The following CHMP4C variants were observed in gnomAD, a reference collection of about 807,000 sequenced individuals.
CHMP4C encodes charged multivesicular body protein 4C, also known as SNF7 homolog associated with Alix 3.
A neutral mutation model predicts 29.0 loss-of-function variants in CHMP4C; 28 were observed. The observed-to-expected ratio is 0.97, with a 90% confidence interval of 0.72 to 1.32. CHMP4C has a LOEUF of 1.32. CHMP4C is among the 40% of genes most tolerant of loss of function. The probability of loss-of-function intolerance (pLI) is 0.00; values close to 1 mark genes in which losing one functional copy is unlikely to be tolerated. For missense variants in CHMP4C, 291 were observed against 281.0 expected (o/e 1.04, Z -0.25); for synonymous variants, 106 against 102.4 (o/e 1.04, Z -0.21).
chr8:81,747,107 A>G (rs1019957057), intron 1 of CHMP4C, among the ~76,000 whole-genome samples: 4 of 152,152 alleles, frequency 2.6e-5, no homozygotes, highest in Admixed American at 6.5e-5. Context: ...TCTTCTAGGT[A>G]CTGTTGTTCT....
rs148643295 is a variant in CHMP4C, at chr8:81,749,406, T to C, written c.191-3658T>C. The stretch of plus-strand genomic sequence containing the variant: ...GCTCCATAAATGTTAGTTTTTGTTA[T>C]GTATTTTGTTGGCCAGGTGCCAGGA... On this transcript the variant is annotated intron_variant, in intron 1 of 4. Transcript: ENST00000297265. Among the ~76,000 whole-genome samples the C allele has an allele frequency of 5.2e-3, 789 of 152,356 alleles. 6 individuals are homozygous for C. Among genetic ancestry groups the C allele is most frequent in the Non-Finnish European group, 7.5e-3 (511 of 68,036 alleles).
intron 1 of CHMP4C, among the ~76,000 whole-genome samples, chr8:81,738,484 T>C (rs1808721245): frequency 6.6e-6 from 1 of 152,216 alleles, no homozygotes. Flanking sequence ...TGATCTTCTT[T>C]GGAGAGAAGG....
In CHMP4C at chr8:81,753,244, G is replaced by T; in HGVS notation, c.368+3G>T. 1 of 1,397,812 alleles carries T rather than the reference G, an allele frequency of 7.2e-7. No homozygotes were observed. The highest frequency in any genetic ancestry group is 1.3e-5 in the South Asian group (1 of 75,146). The allele number at this position is 1,397,812 out of a possible 1,614,324, so 86.6% of individuals were successfully genotyped here. On this transcript the variant is annotated splice_donor_region_variant and intron_variant, in intron 2 of 4. Coordinates refer to ENST00000297265, the MANE Select transcript of CHMP4C (RefSeq NM_152284.4). ...ATGAAATCTGTTCATGAAAACATGT[G>T]AGTGACTCTGGTCTCCCTCTGAATC...
intron 1 of CHMP4C, among the ~76,000 whole-genome samples, chr8:81,749,233 C>T (rs931712786): frequency 9.2e-5 from 14 of 152,116 alleles, no homozygotes; most frequent in Admixed American, 8.5e-4. Context: ...GTTCTATGTG[C>T]AAAATTATCA....
At chr8:81,748,028 G>T (rs565802534) in intron 1 of CHMP4C, among the ~76,000 whole-genome samples, 1 of 146,072 alleles carries the variant, frequency 6.8e-6, no homozygotes, top group East Asian at 2.1e-4. Flanking sequence ...AGACAGGTAC[G>T]CCCCGGGGCG....
chr8:81,752,686 C>T (rs1808917987), intron 1 of CHMP4C, among the ~76,000 whole-genome samples: 1 of 152,060 alleles, frequency 6.6e-6, no homozygotes, highest in South Asian at 2.1e-4. Flanking sequence ...GAATCAAAGG[C>T]CATTAAGGTC....
Position 81,758,464 on chromosome 8 carries a change from CTATTT to C in CHMP4C, c.638-12_638-8del. 1.2e-6 allele frequency: 2 copies of C among 1,602,580 alleles called. No homozygotes were observed. The highest frequency in any genetic ancestry group is 1.1e-5 in the South Asian group (1 of 90,252). ...AATGTCACCAATTACTAATTTTTAT[CTATTT>C]TATGTTCCAGCATCTTCCCAGAGGG... On this transcript the variant is annotated splice_polypyrimidine_tract_variant and intron_variant, in intron 4 of 4. Transcript: ENST00000297265.
intron 1 of CHMP4C, among the ~76,000 whole-genome samples, chr8:81,740,376 CA>C (rs1808748431): frequency 1.3e-5 from 2 of 152,230 alleles, no homozygotes; most frequent in Admixed American, 6.5e-5. Context: ...TAGATCCTCG[CA>C]TGCTCAGTTC....
chr8:81,741,392 G>T (rs182571359), intron 1 of CHMP4C, among the ~76,000 whole-genome samples: 1 of 152,114 alleles, frequency 6.6e-6, no homozygotes, highest in Non-Finnish European at 1.5e-5. Flanking sequence ...CAAAGTCATA[G>T]GATTTACACA....
At chr8:81,748,174 T>C (rs9643445) in intron 1 of CHMP4C, among the ~76,000 whole-genome samples, 152,115 of 152,334 alleles carry the variant, frequency 1, 75,948 homozygotes, top group East Asian at 1. Context: ...CCCGGCTCAC[T>C]GGCAGTCAGA....
chr8:81,743,796 TC>T (rs1808791942), intron 1 of CHMP4C, among the ~76,000 whole-genome samples: 2 of 152,138 alleles, frequency 1.3e-5, no homozygotes, highest in African/African-American at 4.8e-5. Flanking sequence ...AACCTCAAGC[TC>T]TTTAGAATAA....
intron 1 of CHMP4C, among the ~76,000 whole-genome samples, chr8:81,740,765 C>T (rs1029812210): frequency 2.6e-5 from 4 of 152,164 alleles, no homozygotes; most frequent in African/African-American, 7.2e-5. Context: ...GAACTGATAG[C>T]GTGTTACCTT....
At chr8:81,751,799 A>T (rs371780152) in intron 1 of CHMP4C, among the ~76,000 whole-genome samples, 3 of 152,176 alleles carry the variant, frequency 2.0e-5, no homozygotes, top group African/African-American at 7.2e-5. Flanking sequence ...GTCAAAAACA[A>T]TCATAAAAAC....
In CHMP4C at chr8:81,755,488, C is replaced by A; in HGVS notation, c.483+4C>A. ...CTTTGGTGATGACTTTGATGAGGTA[C>A]GTAACCCAATATGAAGAATGCAGGA... is the stretch of plus-strand genomic sequence containing the variant. On this transcript the variant is annotated splice_donor_region_variant and intron_variant, in intron 3 of 4. Coordinates refer to ENST00000297265, the MANE Select transcript of CHMP4C (RefSeq NM_152284.4). The A allele has an allele frequency of 6.4e-7, 1 of 1,563,156 alleles. No homozygotes were observed. The highest frequency in any genetic ancestry group is 8.8e-7 in the Non-Finnish European group (1 of 1,134,648).
chr8:81,753,347 C>T, intron 2 of CHMP4C, 106 bp downstream of exon 2: 2 of 695,066 alleles, frequency 2.9e-6, no homozygotes, highest in Non-Finnish European at 4.3e-6. Flanking sequence ...TCATTTGAGG[C>T]TCTTTGACAT....
At chr8:81,756,157 T>A (rs1808969508) in intron 3 of CHMP4C, among the ~76,000 whole-genome samples, 1 of 152,200 alleles carries the variant, frequency 6.6e-6, no homozygotes, top group South Asian at 2.1e-4. Flanking sequence ...AAGACCTGGT[T>A]CCATGGAATC....
chr8:81,738,573 T>G (rs1165663010), intron 1 of CHMP4C, among the ~76,000 whole-genome samples: 1 of 152,202 alleles, frequency 6.6e-6, no homozygotes, highest in African/African-American at 2.4e-5. Context: ...ATAGTTGTCA[T>G]AGAGCTCAAT....
chr8:81,742,802 A>G (rs1808778351), intron 1 of CHMP4C, among the ~76,000 whole-genome samples: 2 of 152,206 alleles, frequency 1.3e-5, no homozygotes, highest in Non-Finnish European at 2.9e-5. Context: ...AAAAAAAATT[A>G]TGATTATGGT....
Position 81,758,543 on chromosome 8 carries a change from A to G in CHMP4C, c.701A>G (p.Ter234=), listed in dbSNP as rs1238547242. 1.3e-6 allele frequency: 2 copies of G among 1,599,170 alleles called. No homozygotes were observed. The highest frequency in any genetic ancestry group is 1.3e-5 in the African/African-American group (1 of 74,630). The change falls in exon 5 of 5, where the codon TAA becomes TGA. Residue 234 remains the stop codon, a stop_retained_variant. Transcript: ENST00000297265. Reference sequence around the variant, plus strand: ...AAACAATTGGCAGCTTGGGCTACCTAAACTAAAACACATTTTTGATACCTA... The same window carrying G: ...AAACAATTGGCAGCTTGGGCTACCTGAACTAAAACACATTTTTGATACCTA... ...DIKQLAAWAT[*]
Sources: allele counts gnomAD v4.1 joint callset (sites outside exome capture counted in the v4.1 genomes callset), GRCh38; gene constraint gnomAD v4.1.1; transcripts MANE v1.5; gene names NCBI Gene and HGNC (gene_info 2026-07-23, HGNC 2026-07-21).